Variants in PAPLN observed in about 807,000 individuals in gnomAD.
PAPLN encodes papilin, proteoglycan like sulfated glycoprotein.
PAPLN carries 146 observed loss-of-function variants against 159.0 expected under a neutral mutation model. The observed-to-expected ratio is 0.92, with a 90% CI of 0.80 to 1.05. The LOEUF (loss-of-function observed/expected upper bound fraction) is 1.05, where lower values mean the gene tolerates loss of function less well. Among genes scored for constraint, PAPLN ranks in the 50% least tolerant of loss-of-function variants. The pLI is 0.00. For missense variants in PAPLN, 1,720 were observed against 1,743.9 expected (o/e 0.99, Z 0.24); for synonymous variants, 734 against 702.9 (o/e 1.04, Z -0.70).
At position 73,254,651 on chromosome 14, in the gene PAPLN, C is replaced by T. The variant is rs776077834; in HGVS notation, c.1441C>T (p.Pro481Ser). Residue 481 changes from proline (P) to serine (S), a missense_variant, in exon 13 of 27, where the codon CCC becomes TCC. By Grantham distance (74) the Pro-to-Ser change is moderately conservative (BLOSUM62 -1). Transcript: ENST00000644200. ...LTEPCVHEDCPLLSDQAWHVG... is the reference protein window; with the variant it reads ...LTEPCVHEDCSLLSDQAWHVG... ...TGAGCCCTGTGTGCATGAGGACTGC[C>T]CCCTCCTCAGTGACCAGGCCTGGCA... is the stretch of plus-strand genomic sequence containing the variant. 23 of 1,613,906 alleles carry T rather than the reference C, an allele frequency of 1.4e-5. No homozygotes were observed. The highest frequency in any genetic ancestry group is 3.3e-4 in the Middle Eastern group (2 of 6,082).
In PAPLN at chr14:73,250,893, A is replaced by G. The variant is rs780909909; in HGVS notation, c.466-14A>G. ...TGATGCCGTCTCCCCTGCCTCCCGC[A>G]TCTCTGCCCACAGGTTGTCGGCTGT... On this transcript the variant is annotated splice_polypyrimidine_tract_variant and intron_variant, in intron 6 of 26. Transcript: ENST00000644200. 3 of 1,605,688 alleles carry G rather than the reference A, an allele frequency of 1.9e-6. No individual in the cohort carries two copies. In the South Asian group the frequency reaches 3.3e-5, roughly 18 times the overall value.
At chr14:73,243,698 G>C (rs1263858500) in intron 2 of PAPLN, 1 of 152,254 alleles carries the variant, frequency 6.6e-6, no homozygotes, top group Non-Finnish European at 1.5e-5. Flanking sequence ...CCAGCTGCAA[G>C]GGGTCCAATC....
intron 2 of PAPLN, 34 bp from the exon 3 acceptor site, chr14:73,244,610 G>T (rs1393395681): frequency 1.3e-6 from 2 of 1,518,458 alleles, no homozygotes; most frequent in East Asian, 4.9e-5. Context: ...GGCTGTGAGT[G>T]GGCAATGCTG....
rs1323406673 is a variant in PAPLN at position 73,262,748 on chromosome 14, C to T, written c.2644C>T (p.Gln882Ter). ...GGCCTTTGGAGAATGGCCATGGGGG[C>T]AGGAGCTTGGGTCCAGGGCCCCTGG... is the stretch of plus-strand genomic sequence containing the variant. ...TQAFGEWPWG[Q>*]ELGSRAPGLG... Residue 882 changes from glutamine to a stop codon, truncating the protein, a stop_gained, in exon 19 of 27, where the codon CAG becomes TAG. Transcript: ENST00000644200. LOFTEE classifies it high-confidence loss of function. 5.3e-6 allele frequency: 8 copies of T among 1,511,876 alleles called. No homozygotes were observed. Among genetic ancestry groups the T allele is most frequent in the Non-Finnish European group, 6.2e-6 (7 of 1,134,856 alleles). 93.7% of individuals were successfully genotyped at this position (1,511,876 alleles called of 1,614,324 possible).
chr14:73,264,220 G>A lies in PAPLN; in HGVS notation c.2871G>A (p.Leu957=), dbSNP rs1345854244. The A allele has an allele frequency of 1.2e-6, 2 of 1,613,800 alleles. No homozygotes were observed. The highest frequency in any genetic ancestry group is 1.6e-4 in the Middle Eastern group (1 of 6,062). The change falls in exon 21 of 27, where the codon CTG becomes CTA. Residue 957 remains leucine, a synonymous_variant. Transcript: ENST00000644200. ...GQPISSDRHR[L]QFDGSLIIHP... ...ACACCACCCCACTCAGGCACAGGCT[G>A]CAGTTCGACGGATCCCTGATCATCC...
rs1204643630 is a variant in PAPLN at position 73,265,412 on chromosome 14, T to A, written c.3168T>A (p.Ser1056Arg). 2 of 1,612,402 alleles carry A rather than the reference T, an allele frequency of 1.2e-6. No homozygotes were observed. The highest frequency in any genetic ancestry group is 8.5e-7 in the Non-Finnish European group (1 of 1,180,002). The stretch of plus-strand genomic sequence containing the variant: ...ACCAGCCCCGGGTGGTGGATGCCAG[T>A]CCAGGCCAGCGGATCCGGATGACCT... ...DQNQPRVVDA[S>R]PGQRIRMTCR... The change falls in exon 23 of 27, where the codon AGT (serine) becomes AGA (arginine). Residue 1056 changes from serine (S) to arginine (R), a missense_variant. Transcript: ENST00000644200. The surrounding 1 kb of genome is among the most constrained non-coding windows in gnomAD (Gnocchi z 4.1).
At chr14:73,242,599 C>G (rs1201790089) in intron 2 of PAPLN, 1 of 152,238 alleles carries the variant, frequency 6.6e-6, no homozygotes, top group East Asian at 1.9e-4. Context: ...GAAAGTCACC[C>G]TTCACGCTCA....
intron 14 of PAPLN, among the ~76,000 whole-genome samples, chr14:73,258,687 AG>A (rs1367247167): frequency 1.3e-5 from 2 of 149,812 alleles, no homozygotes; most frequent in African/African-American, 4.9e-5. Context: ...ACTTGAACCC[AG>A]GAGGTTGAGG....
At chr14:73,272,374 T>C in intron 26 of PAPLN, 121 bp from the exon 27 acceptor site, 1 of 973,252 alleles carries the variant, frequency 1.0e-6, no homozygotes, top group Non-Finnish European at 1.5e-6. Flanking sequence ...GTAAGTGCAC[T>C]TCGTTTTCAA....
Position 73,260,847 on chromosome 14 carries a change from G to C in PAPLN, c.2106+18G>C, listed in dbSNP as rs772129386. On this transcript the variant is annotated intron_variant, in intron 17 of 26. Coordinates refer to ENST00000644200, the MANE Select transcript of PAPLN (RefSeq NM_001365906.3). ...CTTCTACAGTAAGTGTCTGGCCTGGGGGAGGGGAGCAGGGGGCCAGCCCGT... is the reference window on the plus strand; with the variant it reads ...CTTCTACAGTAAGTGTCTGGCCTGGCGGAGGGGAGCAGGGGGCCAGCCCGT... 96 of 1,497,134 alleles carry C rather than the reference G, an allele frequency of 6.4e-5. No homozygotes were observed. The highest frequency in any genetic ancestry group is 8.1e-5 in the Non-Finnish European group (91 of 1,128,388). 92.7% of individuals were successfully genotyped at this position (1,497,134 alleles called of 1,614,324 possible). A position where few individuals can be genotyped will look rare whatever the true frequency, so the allele number is the denominator to read the frequency against.
rs373606990 is a variant in PAPLN at position 73,262,639 on chromosome 14, C to T, written c.2535C>T (p.Ala845=). 1.7e-4 allele frequency: 256 copies of T among 1,512,962 alleles called. No individual in the cohort carries two copies. The highest frequency in any genetic ancestry group is 1.5e-3 in the African/African-American group (107 of 72,712). The allele number at this position is 1,512,962 out of a possible 1,614,324, so 93.7% of individuals were successfully genotyped here. ...AACCCAGCCAGCACAGGACAGGGGC[C>T]GCGGTGCAGAGAAAGCCCTGGCCTT... ...EQEPSQHRTG[A]AVQRKPWPSG... is the part of the protein sequence containing the mutation. Residue 845 remains alanine, a synonymous_variant, in exon 19 of 27, where the codon GCC becomes GCT. Coordinates refer to ENST00000644200, the MANE Select transcript of PAPLN (RefSeq NM_001365906.3).
chr14:73,244,674 TG>T lies in PAPLN; in HGVS notation c.89del (p.Gly30AspfsTer89). The T allele has an allele frequency of 6.3e-7, 1 of 1,594,646 alleles. No homozygotes were observed. On this transcript the variant is annotated frameshift_variant, in exon 3 of 27. Transcript: ENST00000644200. LOFTEE classifies it high-confidence loss of function. The stretch of plus-strand genomic sequence containing the variant: ...CAAGGTGAGGCGGCAGAGTGACACC[TG>T]GGGACCCTGGAGCCAGTGGAGCCCC... ...APKVRRQSDT[W>X]GPWSQWSPCS...
intron 26 of PAPLN, among the ~76,000 whole-genome samples, chr14:73,269,965 G>T (rs1887562126): frequency 6.6e-6 from 1 of 152,234 alleles, no homozygotes; most frequent in Admixed American, 6.5e-5. Flanking sequence ...GGACTGACTT[G>T]TCGGCTTCCT....
intron 26 of PAPLN, 144 bp from the exon 27 acceptor site, chr14:73,272,351 A>T: frequency 1.4e-6 from 1 of 727,998 alleles, no homozygotes; most frequent in Non-Finnish European, 2.1e-6. Flanking sequence ...ACGTATGGTT[A>T]AAAGGTTACA....
In PAPLN at chr14:73,239,698, G is replaced by A. The variant is rs897813782; in HGVS notation, c.-6-75G>A. 3.3e-6 allele frequency: 5 copies of A among 1,529,132 alleles called. No homozygotes were observed. The African/African-American group carries it at 4.2e-5, about 13-fold the overall frequency. 94.7% of individuals were successfully genotyped at this position (1,529,132 alleles called of 1,614,324 possible). A position where few individuals can be genotyped will look rare whatever the true frequency, so the allele number is the denominator to read the frequency against. On this transcript the variant is annotated intron_variant, in intron 1 of 26. Transcript: ENST00000644200. The stretch of plus-strand genomic sequence containing the variant: ...ACCTGTGGGCCATAGGGAGAGACGC[G>A]CCCACACACTCTCGCCCGCGCCCAG...
Position 73,245,803 on chromosome 14 carries a change from G to A in PAPLN, c.231+107G>A. On this transcript the variant is annotated intron_variant, in intron 4 of 26. Coordinates refer to ENST00000644200, the MANE Select transcript of PAPLN (RefSeq NM_001365906.3). The surrounding 1 kb of genome is among the most constrained non-coding windows in gnomAD (Gnocchi z 4.2). ...GGCCGCGGGCTGCTGGGTTGGCCCA[G>A]CCTGGGGTCCTCCCGCCAATCCACA... 7.2e-7 allele frequency: 1 copy of A among 1,392,712 alleles called. No individual in the cohort carries two copies. The highest frequency in any genetic ancestry group is 2.5e-5 in the East Asian group (1 of 39,980). 86.3% of individuals were successfully genotyped at this position (1,392,712 alleles called of 1,614,324 possible). A position where few individuals can be genotyped will look rare whatever the true frequency, so the allele number is the denominator to read the frequency against.
chr14:73,265,955 C>A lies in PAPLN; in HGVS notation c.3263+448C>A, dbSNP rs1161819911. Among the ~76,000 whole-genome samples, 1 of 152,144 alleles carries A rather than the reference C, an allele frequency of 6.6e-6. No homozygotes were observed. The highest frequency in any genetic ancestry group is 1.5e-5 in the Non-Finnish European group (1 of 68,038). Reference sequence around the variant, plus strand: ...ATAAGCAGCAGAACCAGTATTTGAGCCCATTAAATGAGTATAGCAAAAACT... The same window carrying A: ...ATAAGCAGCAGAACCAGTATTTGAGACCATTAAATGAGTATAGCAAAAACT... On this transcript the variant is annotated intron_variant, in intron 23 of 26. Coordinates refer to ENST00000644200, the MANE Select transcript of PAPLN (RefSeq NM_001365906.3). The surrounding 1 kb of genome is among the most constrained non-coding windows in gnomAD (Gnocchi z 4.1).
In PAPLN at chr14:73,270,264, C is replaced by T. The variant is rs533410719; in HGVS notation, c.3667+1541C>T. On this transcript the variant is annotated intron_variant, in intron 26 of 26. Coordinates refer to ENST00000644200, the MANE Select transcript of PAPLN (RefSeq NM_001365906.3). Reference sequence around the variant, plus strand: ...TCGTGGCGGCCCCGCGCTCAGCGCACGGCACAGGCGGCTTCCGCACTGGGT... The same window carrying T: ...TCGTGGCGGCCCCGCGCTCAGCGCATGGCACAGGCGGCTTCCGCACTGGGT... 1.3e-3 allele frequency among the ~76,000 whole-genome samples: 196 copies of T among 152,326 alleles called. 5 individuals carry two copies. Among genetic ancestry groups the T allele is most frequent in the Non-Finnish European group, 7.2e-4 (49 of 68,032 alleles).
Position 73,250,106 on chromosome 14 carries a change from A to C in PAPLN, c.457A>C (p.Ser153Arg). ...CAAGAGGGATGTCTGTGTGGATGGC[A>C]GCTGCCGGGTGAGTGGTGCCCCAGC... ...PGKRDVCVDG[S>R]CRVVGCDHEL... The change falls in exon 6 of 27, where the codon AGC (serine) becomes CGC (arginine). Residue 153 changes from serine to arginine, a missense_variant. Ser to Arg is a moderately radical substitution (Grantham distance 110). Transcript: ENST00000644200. The C allele has an allele frequency of 6.2e-7, 1 of 1,608,548 alleles. No individual in the cohort carries two copies. The highest frequency in any genetic ancestry group is 8.5e-7 in the Non-Finnish European group (1 of 1,177,626).
Sources: allele counts gnomAD v4.1 joint callset (sites outside exome capture counted in the v4.1 genomes callset), GRCh38; gene constraint gnomAD v4.1.1; non-coding constraint Gnocchi (gnomAD v3.1); transcripts MANE v1.5; gene names NCBI Gene and HGNC (gene_info 2026-07-23, HGNC 2026-07-21).